HMGA2: variants seen among roughly 807,000 people sequenced by gnomAD.
The protein encoded by HMGA2 is high mobility group protein HMGI-C.
HMGA2 carries 8 observed loss-of-function variants against 19.1 expected under a neutral mutation model. That is an observed-to-expected ratio of 0.42 (90% CI 0.25 to 0.76). HMGA2 has a LOEUF of 0.76. Among genes scored for constraint, HMGA2 ranks in the 30% least tolerant of loss-of-function variants. The pLI is 0.28. For missense variants in HMGA2, 109 were observed against 136.3 expected (o/e 0.80, Z 1.00); for synonymous variants, 60 against 48.8 (o/e 1.23, Z -0.96).
intron 3 of HMGA2, among the ~76,000 whole-genome samples, chr12:65,918,193 T>A (rs1875178076): frequency 6.6e-6 from 1 of 152,222 alleles, no homozygotes; most frequent in African/African-American, 2.4e-5. Context: ...TGGGTCAAAA[T>A]GATTTGAAAT....
chr12:65,825,437 C>G lies in HMGA2; in HGVS notation c.111+56C>G, dbSNP rs562532053. On this transcript the variant is annotated intron_variant, in intron 1 of 4. Transcript: ENST00000403681. This position sits in a 1 kb window ranked among gnomAD's most constrained non-coding sequence, Gnocchi z 4.4. ...CCCACCCCGTCCCCACTGCCGGGGC[C>G]CAGACACGCGCGGGGCGGCCGGAGT... is the stretch of plus-strand genomic sequence containing the variant. The G allele has an allele frequency of 3.1e-6, 4 of 1,281,288 alleles. No homozygotes were observed. In the South Asian group the frequency reaches 6.2e-5, roughly 20 times the overall value. The allele number at this position is 1,281,288 out of a possible 1,614,324, so 79.4% of individuals were successfully genotyped here.
chr12:65,872,134 T>C (rs957710735), intron 3 of HMGA2, among the ~76,000 whole-genome samples: 1 of 152,092 alleles, frequency 6.6e-6, no homozygotes, highest in Non-Finnish European at 1.5e-5. Flanking sequence ...GCCCCCTTCA[T>C]CCTTCCTAGG....
At chr12:65,922,205 G>C (rs1166243054) in intron 3 of HMGA2, among the ~76,000 whole-genome samples, 1 of 152,174 alleles carries the variant, frequency 6.6e-6, no homozygotes, top group Admixed American at 6.5e-5. Context: ...CAGAATGGTA[G>C]ATCTACTGAC....
intron 3 of HMGA2, among the ~76,000 whole-genome samples, chr12:65,922,890 C>T (rs144221718): frequency 1.2e-4 from 18 of 152,180 alleles, no homozygotes; most frequent in East Asian, 1.2e-3. Context: ...CAGGAGTTTC[C>T]GCTTTTGCCT....
intron 3 of HMGA2, among the ~76,000 whole-genome samples, chr12:65,902,767 CA>C (rs1874426420): frequency 6.6e-6 from 1 of 152,142 alleles, no homozygotes. Context: ...ATCTCTGATA[CA>C]ACCAAATTTT....
At chr12:65,870,669 C>T (rs1203486810) in intron 3 of HMGA2, among the ~76,000 whole-genome samples, 1 of 152,216 alleles carries the variant, frequency 6.6e-6, no homozygotes, top group African/African-American at 2.4e-5. Context: ...GTTGAGGTTT[C>T]AGTGAGCCGA....
At chr12:65,893,793 T>A (rs1207095686) in intron 3 of HMGA2, among the ~76,000 whole-genome samples, 1 of 152,194 alleles carries the variant, frequency 6.6e-6, no homozygotes, top group East Asian at 1.9e-4. Flanking sequence ...ATAGTTTGAA[T>A]CCTCTAAGAG....
Position 65,872,637 on chromosome 12 carries a change from A to G in HMGA2, c.249+34068A>G, listed in dbSNP as rs540118119. 2.6e-5 allele frequency among the ~76,000 whole-genome samples: 4 copies of G among 152,224 alleles called. No homozygotes were observed. The South Asian group carries it at 8.3e-4, about 32-fold the overall frequency. On this transcript the variant is annotated intron_variant, in intron 3 of 4. Transcript: ENST00000403681. ...TATATGTTTTGAGTTTTCTTTTCCT[A>G]CATTCCCACTGCCACATTCTTTGTA... is the stretch of plus-strand genomic sequence containing the variant.
At chr12:65,885,127 T>C (rs1466029701) in intron 3 of HMGA2, among the ~76,000 whole-genome samples, 1 of 152,222 alleles carries the variant, frequency 6.6e-6, no homozygotes. Flanking sequence ...TGTTTATTTA[T>C]TCCTTAGAAC....
At chr12:65,941,464 C>T (rs1030123305) in intron 3 of HMGA2, among the ~76,000 whole-genome samples, 2 of 152,116 alleles carry the variant, frequency 1.3e-5, no homozygotes, top group Non-Finnish European at 1.5e-5. Context: ...GAATATTAAG[C>T]TTCCTCCAAG....
intron 3 of HMGA2, among the ~76,000 whole-genome samples, chr12:65,896,806 T>A (rs150165438): frequency 8.1e-4 from 123 of 152,356 alleles, no homozygotes; most frequent in Non-Finnish European, 1.4e-3. Flanking sequence ...GATTTTGAGA[T>A]CTTTCTTACA....
chr12:65,835,854 C>T (rs1870694980), intron 2 of HMGA2, among the ~76,000 whole-genome samples: 1 of 152,142 alleles, frequency 6.6e-6, no homozygotes, highest in Non-Finnish European at 1.5e-5. Flanking sequence ...TTCACACCCC[C>T]TTTTCAATAA....
At chr12:65,935,138 G>A (rs1387844531) in intron 3 of HMGA2, 2 of 152,202 alleles carry the variant, frequency 1.3e-5, no homozygotes, top group Non-Finnish European at 2.9e-5. Context: ...GTCTGTTGGG[G>A]AAGCATCAAG....
At chr12:65,875,758 G>GT (rs1216423305) in intron 3 of HMGA2, among the ~76,000 whole-genome samples, 1 of 151,746 alleles carries the variant, frequency 6.6e-6, no homozygotes, top group Admixed American at 6.6e-5. Flanking sequence ...GCCTTGTCTG[G>GT]TTTTTTAATA....
At chr12:65,884,233 T>G (rs1158965613) in intron 3 of HMGA2, among the ~76,000 whole-genome samples, 3 of 152,166 alleles carry the variant, frequency 2.0e-5, no homozygotes, top group Non-Finnish European at 4.4e-5. Flanking sequence ...TCTTCCAAAA[T>G]CCAAAACTTT....
chr12:65,856,474 C>T (rs965277627), intron 3 of HMGA2: 5 of 152,258 alleles, frequency 3.3e-5, no homozygotes, highest in Non-Finnish European at 4.4e-5. Context: ...TTCCCTGTAG[C>T]GAGCCGCTTC....
At position 65,824,517 on chromosome 12, in the gene HMGA2, G is replaced by GC. The variant is rs1161234242; in HGVS notation, c.-753dup. ...CCAGCCCGGGCAGCGCGCGCTTGGT[G>GC]CAAGACTCAGGAGCTAGCAGCCCGT... On this transcript the variant is annotated 5_prime_UTR_variant, in exon 1 of 5. Coordinates refer to ENST00000403681, the MANE Select transcript of HMGA2 (RefSeq NM_003483.6). 1 of 233,264 alleles carries GC rather than the reference G, an allele frequency of 4.3e-6. No individual in the cohort carries two copies. The highest frequency in any genetic ancestry group is 8.4e-6 in the Non-Finnish European group (1 of 118,578). The allele number at this position is 233,264 out of a possible 1,614,324, so 14.4% of individuals were successfully genotyped here. A position where few individuals can be genotyped will look rare whatever the true frequency, so the allele number is the denominator to read the frequency against.
At chr12:65,956,565 G>C (rs1013986768) in intron 4 of HMGA2, 1 of 152,214 alleles carries the variant, frequency 6.6e-6, no homozygotes, top group Non-Finnish European at 1.5e-5. Flanking sequence ...GCAGGATGAA[G>C]TCAGCGGTTC....
chr12:65,951,322 C>T, intron 3 of HMGA2, 61 bp from the exon 4 acceptor site: 1 of 1,033,520 alleles, frequency 9.7e-7, no homozygotes, highest in Non-Finnish European at 1.4e-6. Flanking sequence ...AATATGTACA[C>T]CTAATTTTTT....
Sources: allele counts gnomAD v4.1 joint callset (sites outside exome capture counted in the v4.1 genomes callset), GRCh38; gene constraint gnomAD v4.1.1; non-coding constraint Gnocchi (gnomAD v3.1); transcripts MANE v1.5; gene names NCBI Gene and HGNC (gene_info 2026-07-23, HGNC 2026-07-21).